The following UNC5C variants were observed in gnomAD, a reference collection of about 807,000 sequenced individuals.
UNC5C encodes the protein netrin receptor UNC5C.
In UNC5C, 47 loss-of-function variants were observed where a neutral mutation model predicts 99.8. The ratio of observed to expected loss-of-function variants is 0.47; its 90% CI spans 0.37 to 0.60. UNC5C has a LOEUF of 0.60. UNC5C is among the 20% of genes least tolerant of loss of function. The pLI is 0.00. For missense variants in UNC5C, 1,062 were observed against 1,165.9 expected, an observed-to-expected ratio of 0.91 and a Z score of 1.30; for synonymous variants, 487 against 452.2, an observed-to-expected ratio of 1.08 and a Z score of -0.98.
intron 1 of UNC5C, among the ~76,000 whole-genome samples, chr4:95,341,035 G>A (rs1743552751): frequency 6.6e-6 from 1 of 152,090 alleles, no homozygotes; most frequent in South Asian, 2.1e-4. Flanking sequence ...ATGTGCAATT[G>A]CATATATGGC....
intron 12 of UNC5C, among the ~76,000 whole-genome samples, chr4:95,185,432 T>G (rs1266282163): frequency 6.6e-6 from 1 of 152,134 alleles, no homozygotes; most frequent in Non-Finnish European, 1.5e-5. Context: ...TACATCACAC[T>G]GTTGAGGAGC....
chr4:95,542,090 A>C (rs549844381), intron 1 of UNC5C, among the ~76,000 whole-genome samples: 29 of 152,066 alleles, frequency 1.9e-4, no homozygotes, highest in African/African-American at 6.5e-4. Context: ...TGAAGATAAA[A>C]CCCCCTATCC....
intron 10 of UNC5C, among the ~76,000 whole-genome samples, chr4:95,208,933 AGTT>A (rs1737976455): frequency 1.3e-5 from 2 of 152,178 alleles, no homozygotes; most frequent in African/African-American, 4.8e-5. Context: ...GAATGGTAGC[AGTT>A]GTTATTATTG....
At chr4:95,307,470 T>G (rs1039180903) in intron 2 of UNC5C, among the ~76,000 whole-genome samples, 1 of 152,072 alleles carries the variant, frequency 6.6e-6, no homozygotes, top group Non-Finnish European at 1.5e-5. Flanking sequence ...GACCAATCAA[T>G]GATCAGTAAG....
At chr4:95,466,804 A>G (rs1040975523) in intron 1 of UNC5C, among the ~76,000 whole-genome samples, 1 of 152,148 alleles carries the variant, frequency 6.6e-6, no homozygotes, top group Non-Finnish European at 1.5e-5. Context: ...AAAGATGGTG[A>G]TTTTAAGGTG....
At chr4:95,246,943 G>A (rs1387552833) in intron 5 of UNC5C, among the ~76,000 whole-genome samples, 2 of 152,008 alleles carry the variant, frequency 1.3e-5, no homozygotes, top group African/African-American at 4.8e-5. Flanking sequence ...TTGGGAGGCT[G>A]AGGAGGGAGG....
At chr4:95,234,571 A>C (rs1002632087) in intron 7 of UNC5C, among the ~76,000 whole-genome samples, 2 of 152,146 alleles carry the variant, frequency 1.3e-5, no homozygotes, top group African/African-American at 4.8e-5. Flanking sequence ...AGTTTTGAAA[A>C]CAATTAAGTA....
intron 1 of UNC5C, among the ~76,000 whole-genome samples, chr4:95,352,392 TG>T (rs991157348): frequency 6.6e-6 from 1 of 151,894 alleles, no homozygotes; most frequent in Non-Finnish European, 1.5e-5. Context: ...GGATGTACCC[TG>T]GACAAAGGGA....
At chr4:95,397,032 G>A (rs539167969) in intron 1 of UNC5C, among the ~76,000 whole-genome samples, 1 of 152,268 alleles carries the variant, frequency 6.6e-6, no homozygotes, top group South Asian at 2.1e-4. Flanking sequence ...GAGGAAGCCA[G>A]GAGGCTGAGT....
At chr4:95,197,186 TATA>T (rs1417444919) in intron 12 of UNC5C, among the ~76,000 whole-genome samples, 1 of 147,904 alleles carries the variant, frequency 6.8e-6, no homozygotes, top group Non-Finnish European at 1.5e-5. Flanking sequence ...TATAACCACA[TATA>T]ATAATAATAA....
chr4:95,335,637 AAAG>A lies in UNC5C; in HGVS notation c.125-9_125-7del. 5 of 1,599,938 alleles carry A rather than the reference AAAG, an allele frequency of 3.1e-6. No individual in the cohort carries two copies. Among genetic ancestry groups the A allele is most frequent in the African/African-American group, 1.3e-5 (1 of 74,212 alleles). On this transcript the variant is annotated splice_region_variant and splice_polypyrimidine_tract_variant and intron_variant, in intron 1 of 15. Transcript: ENST00000453304. ...TTCATGAAAAAAGTCATCATCTGAG[AAAG>A]AAGAAGAAAGTGGAAGATGGTTAAC...
intron 4 of UNC5C, among the ~76,000 whole-genome samples, chr4:95,274,505 C>T (rs1031921826): frequency 2.0e-5 from 3 of 152,090 alleles, no homozygotes; most frequent in African/African-American, 7.2e-5. Flanking sequence ...TGCTTCAGCC[C>T]TAGGGTCCCC....
At chr4:95,380,457 T>G (rs1042400528) in intron 1 of UNC5C, among the ~76,000 whole-genome samples, 2 of 151,478 alleles carry the variant, frequency 1.3e-5, no homozygotes, top group African/African-American at 2.4e-5. Context: ...TTTTTTTTTT[T>G]TTTTGAGAGA....
chr4:95,288,093 T>TATTTA (rs1460815698), intron 3 of UNC5C, among the ~76,000 whole-genome samples: 1 of 151,712 alleles, frequency 6.6e-6, no homozygotes, highest in Non-Finnish European at 1.5e-5. Context: ...TTTATTTATT[T>TATTTA]ATTTTTTGAG....
intron 1 of UNC5C, among the ~76,000 whole-genome samples, chr4:95,341,290 C>G (rs1743564113): frequency 6.6e-6 from 1 of 152,012 alleles, no homozygotes; most frequent in Admixed American, 6.6e-5. Flanking sequence ...AACAACTGAC[C>G]ACCAACTGAG....
chr4:95,326,859 G>GATAGATAT (rs1172106063), intron 2 of UNC5C, among the ~76,000 whole-genome samples: 1 of 152,046 alleles, frequency 6.6e-6, no homozygotes, highest in East Asian at 1.9e-4. Flanking sequence ...AGTTACCTTT[G>GATAGATAT]ATAGATATTT....
At chr4:95,470,239 C>T (rs1386835619) in intron 1 of UNC5C, among the ~76,000 whole-genome samples, 1 of 152,064 alleles carries the variant, frequency 6.6e-6, no homozygotes, top group Non-Finnish European at 1.5e-5. Flanking sequence ...AGTTCACCTG[C>T]AATGTTTTCC....
At chr4:95,184,495 G>GA (rs1275516727) in intron 13 of UNC5C, among the ~76,000 whole-genome samples, 1 of 152,150 alleles carries the variant, frequency 6.6e-6, no homozygotes, top group Admixed American at 6.5e-5. Flanking sequence ...TGAAGGAGGG[G>GA]AAAATTCCTT....
intron 12 of UNC5C, among the ~76,000 whole-genome samples, chr4:95,196,554 C>T (rs1737402715): frequency 1.3e-5 from 2 of 151,406 alleles, no homozygotes; most frequent in East Asian, 1.9e-4. Flanking sequence ...TTGCTAAACA[C>T]AGCTTTTAAG....
Sources: gnomAD v4.1 joint callset for allele counts (sites outside exome capture counted in the v4.1 genomes callset) on GRCh38, gnomAD v4.1.1 for gene constraint, MANE v1.5 for transcripts, NCBI Gene and HGNC (gene_info 2026-07-23, HGNC 2026-07-21) for gene names.